Variants in GRK2 observed in about 807,000 individuals in gnomAD.
The protein encoded by GRK2 is G protein-coupled receptor kinase 2.
In GRK2, 23 loss-of-function variants were observed where a neutral mutation model predicts 97.8. The observed-to-expected ratio is 0.24, with a 90% CI of 0.17 to 0.33. GRK2 has a LOEUF of 0.33. Among genes scored for constraint, GRK2 ranks in the 10% least tolerant of loss-of-function variants. The pLI, the probability that GRK2 is intolerant of heterozygous loss-of-function variation, is 1.00. For missense variants in GRK2, 633 were observed against 956.9 expected, an observed-to-expected ratio of 0.66 and a Z score of 4.47; for synonymous variants, 425 against 381.7, an observed-to-expected ratio of 1.11 and a Z score of -1.32.
chr11:67,282,189 G>A lies in GRK2; in HGVS notation c.958-82G>A. On this transcript the variant is annotated intron_variant, in intron 11 of 20. Transcript: ENST00000308595. The surrounding 1 kb of genome is among the most constrained non-coding windows in gnomAD (Gnocchi z 6.9). Reference sequence around the variant, plus strand: ...TTGGGTACCCATCGTCCTCTCCAGTGAAGCAGTGACCCAGCTGGCATCTTG... The same window carrying A: ...TTGGGTACCCATCGTCCTCTCCAGTAAAGCAGTGACCCAGCTGGCATCTTG... 1 of 1,407,402 alleles carries A rather than the reference G, an allele frequency of 7.1e-7. No individual in the cohort carries two copies. The highest frequency in any genetic ancestry group is 9.9e-7 in the Non-Finnish European group (1 of 1,005,446). The allele number at this position is 1,407,402 out of a possible 1,614,324, so 87.2% of individuals were successfully genotyped here. A position where few individuals can be genotyped will look rare whatever the true frequency, so the allele number is the denominator to read the frequency against.
Position 67,281,087 on chromosome 11 carries a change from C to A in GRK2, c.556-6C>A. 6.2e-7 allele frequency: 1 copy of A among 1,611,004 alleles called. No individual in the cohort carries two copies. On this transcript the variant is annotated splice_polypyrimidine_tract_variant and splice_region_variant and intron_variant, in intron 7 of 20. Transcript: ENST00000308595. The surrounding 1 kb of genome is among the most constrained non-coding windows in gnomAD (Gnocchi z 5.7). The stretch of plus-strand genomic sequence containing the variant: ...TGTGGTGACCGCAGCTGTCGCTGCC[C>A]CTCAGCTGACCATGAATGACTTCAG...
At chr11:67,280,583 C>T in intron 6 of GRK2, 149 bp from the exon 7 acceptor site, 1 of 927,476 alleles carries the variant, frequency 1.1e-6, no homozygotes, top group Non-Finnish European at 1.7e-6. Flanking sequence ...CTCAACATAT[C>T]CTTCCTGGAA....
At position 67,281,274 on chromosome 11, in the gene GRK2, C is replaced by A; in HGVS notation, c.647+90C>A. 1 of 1,212,410 alleles carries A rather than the reference C, an allele frequency of 8.2e-7. No homozygotes were observed. The highest frequency in any genetic ancestry group is 1.2e-6 in the Non-Finnish European group (1 of 840,090). 75.1% of individuals were successfully genotyped at this position (1,212,410 alleles called of 1,614,324 possible). On this transcript the variant is annotated intron_variant, in intron 8 of 20. Coordinates refer to ENST00000308595, the MANE Select transcript of GRK2 (RefSeq NM_001619.5). The surrounding 1 kb of genome is among the most constrained non-coding windows in gnomAD (Gnocchi z 5.7). ...GCCGGGTTCCACACAGGGCCACCTG[C>A]TGCTCCATGCACTCCTGTCTTGCCG...
Position 67,279,408 on chromosome 11 carries a change from T to C in GRK2, c.265-10T>C, listed in dbSNP as rs759910205. The C allele has an allele frequency of 6.2e-7, 1 of 1,612,720 alleles. No homozygotes were observed. Among genetic ancestry groups the C allele is most frequent in the African/African-American group, 1.3e-5 (1 of 74,932 alleles). On this transcript the variant is annotated splice_polypyrimidine_tract_variant and intron_variant, in intron 3 of 20. Coordinates refer to ENST00000308595, the MANE Select transcript of GRK2 (RefSeq NM_001619.5). ...GGCTCTAGATGACCTGCAGGAATCCTGTCCTCCAGATCAAGAAGTACGAGA... is the reference window on the plus strand; with the variant it reads ...GGCTCTAGATGACCTGCAGGAATCCCGTCCTCCAGATCAAGAAGTACGAGA...
chr11:67,273,350 C>T (rs1859951079), intron 1 of GRK2, among the ~76,000 whole-genome samples: 1 of 152,112 alleles, frequency 6.6e-6, no homozygotes, highest in Admixed American at 6.5e-5. Flanking sequence ...GAGCCACGTT[C>T]CCCCGGATCT....
In GRK2 at chr11:67,266,774, C is replaced by T; in HGVS notation, c.75C>T (p.Ala25=). 2 of 1,367,092 alleles carry T rather than the reference C, an allele frequency of 1.5e-6. No homozygotes were observed. The highest frequency in any genetic ancestry group is 1.7e-5 in the South Asian group (1 of 57,382). 84.7% of individuals were successfully genotyped at this position (1,367,092 alleles called of 1,614,324 possible). The change falls in exon 1 of 21, where the codon GCC becomes GCT. Residue 25 remains alanine, a synonymous_variant. Transcript: ENST00000308595. ...TGGAGAAGAGCAAGGCCACGCCGGC[C>T]GCGCGCGCCAGCAAGAAGATCCTGC... is the stretch of plus-strand genomic sequence containing the variant. ...MAMEKSKATP[A]ARASKKILLP... is the part of the protein sequence containing the mutation.
chr11:67,284,348 G>A lies in GRK2; in HGVS notation c.1629G>A (p.Lys543=). Residue 543 remains lysine (K), a synonymous_variant, in exon 18 of 21, where the codon AAG becomes AAA. Transcript: ENST00000308595. ...TDRLEARKKA[K]NKQLGHEEDY... ...GGCTGGAGGCTCGCAAGAAAGCCAAGAACAAGCAGCTGGGCCATGAGGAAG... is the reference window on the plus strand; with the variant it reads ...GGCTGGAGGCTCGCAAGAAAGCCAAAAACAAGCAGCTGGGCCATGAGGAAG... 6.8e-6 allele frequency: 11 copies of A among 1,612,914 alleles called. No homozygotes were observed. The highest frequency in any genetic ancestry group is 9.3e-6 in the Non-Finnish European group (11 of 1,179,982).
intron 2 of GRK2, 96 bp downstream of exon 2, chr11:67,277,444 C>A: frequency 8.9e-7 from 1 of 1,120,978 alleles, no homozygotes; most frequent in Non-Finnish European, 1.3e-6. Context: ...GAGATTTGGC[C>A]TCCCATCCAC....
chr11:67,278,505 C>T lies in GRK2; in HGVS notation c.191-695C>T, dbSNP rs984790811. On this transcript the variant is annotated intron_variant, in intron 2 of 20. Coordinates refer to ENST00000308595, the MANE Select transcript of GRK2 (RefSeq NM_001619.5). ...TGCCCCCTGCCCTGAGGCCCCAGCC[C>T]CAACCTCTTTCCCAGGGACCTGCCA... Among the ~76,000 whole-genome samples, 5 of 152,220 alleles carry T rather than the reference C, an allele frequency of 3.3e-5. No homozygotes were observed. The South Asian group carries it at 1.0e-3, about 32-fold the overall frequency.
At chr11:67,272,421 C>T (rs1433741346) in intron 1 of GRK2, among the ~76,000 whole-genome samples, 1 of 152,184 alleles carries the variant, frequency 6.6e-6, no homozygotes, top group Non-Finnish European at 1.5e-5. Context: ...CTTGTCACCC[C>T]CTCCTGTCCA....
chr11:67,280,654 G>T, intron 6 of GRK2, 78 bp from the exon 7 acceptor site: 2 of 1,532,106 alleles, frequency 1.3e-6, no homozygotes, highest in Non-Finnish European at 1.8e-6. Flanking sequence ...GGGAGTGGCG[G>T]CTGGGTGGGG....
chr11:67,280,666 G>A lies in GRK2; in HGVS notation c.504-66G>A, dbSNP rs537159754. ...CCAGGGAGTGGCGGCTGGGTGGGGA[G>A]GCTCACGACAGCATCATCCTTCCCA... On this transcript the variant is annotated intron_variant, in intron 6 of 20. Transcript: ENST00000308595. 25 of 1,588,948 alleles carry A rather than the reference G, an allele frequency of 1.6e-5. 2 individuals carry two copies. In the South Asian group the frequency reaches 2.7e-4, roughly 17 times the overall value.
rs1432946199 is a variant in GRK2 at position 67,286,426 on chromosome 11, C to G, written c.*976C>G. On this transcript the variant is annotated 3_prime_UTR_variant, in exon 21 of 21. Coordinates refer to ENST00000308595, the MANE Select transcript of GRK2 (RefSeq NM_001619.5). The stretch of plus-strand genomic sequence containing the variant: ...CCTGTGTGGTGTCGCGCCTTCTCCC[C>G]CCCGGGGCTGGGTTGGCGCACCCTC... 8 of 699,820 alleles carry G rather than the reference C, an allele frequency of 1.1e-5. No individual in the cohort carries two copies. The highest frequency in any genetic ancestry group is 2.1e-5 in the Non-Finnish European group (8 of 383,576). 43.4% of individuals were successfully genotyped at this position (699,820 alleles called of 1,614,324 possible).
chr11:67,266,616 C>T lies in GRK2; in HGVS notation c.-84C>T, dbSNP rs999728346. On this transcript the variant is annotated 5_prime_UTR_variant, in exon 1 of 21. Transcript: ENST00000308595. ...CGTCGGCGCCCGAGGCCGAGCGAGC[C>T]GCGGCCGGGCCGGGCCGAGCGCCGA... 6 of 531,190 alleles carry T rather than the reference C, an allele frequency of 1.1e-5. No individual in the cohort carries two copies. In the East Asian group the frequency reaches 6.1e-4, roughly 54 times the overall value. 32.9% of individuals were successfully genotyped at this position (531,190 alleles called of 1,614,324 possible).
Position 67,285,124 on chromosome 11 carries a change from T to C in GRK2, c.1841T>C (p.Ile614Thr). Residue 614 changes from isoleucine (I) to threonine (T), a missense_variant, in exon 20 of 21, where the codon ATC (isoleucine) becomes ACC (threonine). Ile to Thr is a moderately conservative substitution (Grantham distance 89). Transcript: ENST00000308595. ...ATCCAGTCGGTGGAGGAGACGCAGA[T>C]CAAGGAGCGCAAGTGCCTGCTCCTC... ...EEIQSVEETQ[I>T]KERKCLLLKI... The C allele has an allele frequency of 3.1e-6, 5 of 1,613,552 alleles. No homozygotes were observed. Among genetic ancestry groups the C allele is most frequent in the Non-Finnish European group, 4.2e-6 (5 of 1,179,942 alleles).
chr11:67,279,077 C>A (rs976521067), intron 2 of GRK2, 123 bp from the exon 3 acceptor site: 4 of 789,510 alleles, frequency 5.1e-6, no homozygotes, highest in Non-Finnish European at 4.4e-6. Context: ...TTGCCTGGGG[C>A]CGAGACCACC....
chr11:67,275,153 C>T (rs1054396771), intron 1 of GRK2, among the ~76,000 whole-genome samples: 1 of 152,218 alleles, frequency 6.6e-6, no homozygotes, highest in South Asian at 2.1e-4. Context: ...CTGCTGTGCT[C>T]GTGCTATCTC....
In GRK2 at chr11:67,284,387, G is replaced by A. The variant is rs558847433; in HGVS notation, c.1654+14G>A. On this transcript the variant is annotated intron_variant, in intron 18 of 20. Transcript: ENST00000308595. The stretch of plus-strand genomic sequence containing the variant: ...GCCATGAGGAAGGTGAGGGTCGCCG[G>A]CTGCTGCGGCACCAGGCCCCTGCCT... 1.2e-6 allele frequency: 2 copies of A among 1,610,300 alleles called. No individual in the cohort carries two copies. The highest frequency in any genetic ancestry group is 1.7e-6 in the Non-Finnish European group (2 of 1,179,390).
At position 67,283,035 on chromosome 11, in the gene GRK2, C is replaced by A. The variant is rs184920760; in HGVS notation, c.1228-93C>A. 4 of 1,343,842 alleles carry A rather than the reference C, an allele frequency of 3.0e-6. No individual in the cohort carries two copies. The Admixed American group carries it at 6.8e-5, about 23-fold the overall frequency. The allele number at this position is 1,343,842 out of a possible 1,614,324, so 83.2% of individuals were successfully genotyped here. A position where few individuals can be genotyped will look rare whatever the true frequency, so the allele number is the denominator to read the frequency against. On this transcript the variant is annotated intron_variant, in intron 14 of 20. Transcript: ENST00000308595. ...CTAGGATGCTGTGCCCCATCTGTCC[C>A]TCTGCGGGGGCCTGGACCCCTCTCT...
Sources: gnomAD v4.1 joint callset for allele counts (sites outside exome capture counted in the v4.1 genomes callset) on GRCh38, gnomAD v4.1.1 for gene constraint, Gnocchi (gnomAD v3.1) non-coding constraint, MANE v1.5 for transcripts, NCBI Gene and HGNC (gene_info 2026-07-23, HGNC 2026-07-21) for gene names.